NKTR: variants seen among roughly 807,000 people sequenced by gnomAD.
NKTR encodes the protein NK-tumor recognition protein.
Under a neutral mutation model 156.3 loss-of-function variants are expected in NKTR, and 67 were observed. That is an observed-to-expected ratio of 0.43 (90% CI 0.35 to 0.53). The LOEUF (loss-of-function observed/expected upper bound fraction) is 0.53. Among genes scored for constraint, NKTR ranks in the 20% least tolerant of loss-of-function variants. The pLI, the probability that NKTR is intolerant of heterozygous loss-of-function variation, is 0.01. For synonymous variants in NKTR, 640 were observed against 596.6 expected, an observed-to-expected ratio of 1.07 and a Z score of -1.06; for missense variants, 1,604 against 1,730.9, an observed-to-expected ratio of 0.93 and a Z score of 1.30.
At chr3:42,639,973 GCT>G (rs1709742977) in intron 13 of NKTR, among the ~76,000 whole-genome samples, 1 of 152,154 alleles carries the variant, frequency 6.6e-6, no homozygotes, top group Admixed American at 6.5e-5. Context: ...TCAGTTTAAA[GCT>G]CTCTGTCACT....
At chr3:42,606,269 T>C (rs1025745402) in intron 2 of NKTR, among the ~76,000 whole-genome samples, 16 of 152,240 alleles carry the variant, frequency 1.1e-4, no homozygotes, top group African/African-American at 3.9e-4. Context: ...CCCATTTTTA[T>C]ATGGAAATAG....
At chr3:42,617,230 A>G (rs1707457339) in intron 2 of NKTR, among the ~76,000 whole-genome samples, 1 of 152,208 alleles carries the variant, frequency 6.6e-6, no homozygotes, top group Non-Finnish European at 1.5e-5. Context: ...GCATAAATCA[A>G]ACAACTATTG....
At chr3:42,614,955 C>A (rs1470749732) in intron 2 of NKTR, among the ~76,000 whole-genome samples, 1 of 151,830 alleles carries the variant, frequency 6.6e-6, no homozygotes, top group Non-Finnish European at 1.5e-5. Context: ...CTCTTAACAA[C>A]ATAATGCCAT....
chr3:42,648,469 C>A lies in NKTR; in HGVS notation c.*2494C>A, dbSNP rs1710489145. On this transcript the variant is annotated 3_prime_UTR_variant, in exon 17 of 17. Coordinates refer to ENST00000232978, the MANE Select transcript of NKTR (RefSeq NM_005385.4). ...CTGACAGAGTGAACTACAGAAATAG[C>A]TTTTCTTCCTAAAGGGGATTGTTCT... is the stretch of plus-strand genomic sequence containing the variant. 6.6e-6 allele frequency: 1 copy of A among 152,392 alleles called. No homozygotes were observed. The highest frequency in any genetic ancestry group is 2.1e-4 in the South Asian group (1 of 4,820). 9.4% of individuals were successfully genotyped at this position (152,392 alleles called of 1,614,324 possible).
chr3:42,636,847 A>T, intron 12 of NKTR, 21 bp from the exon 13 acceptor site: 1 of 1,532,244 alleles, frequency 6.5e-7, no homozygotes, highest in South Asian at 1.3e-5. Flanking sequence ...TCACCGCATG[A>T]ATATTATGTC....
Position 42,639,054 on chromosome 3 carries a change from A to G in NKTR, c.3350A>G (p.Asn1117Ser), listed in dbSNP as rs530615927. Residue 1117 changes from asparagine to serine, a missense_variant, in exon 13 of 17, where the codon AAT becomes AGT. This residue lies in a region of NKTR where 1,255 missense variants were observed against 1,243.7 expected (regional missense o/e 1.01). Transcript: ENST00000232978. ...NIQHVEESVP[N>S]GVEDVLQTDD... The stretch of plus-strand genomic sequence containing the variant: ...CAGCACGTTGAAGAAAGTGTTCCCA[A>G]TGGAGTGGAAGATGTGCTTCAAACA... 9 of 1,614,068 alleles carry G rather than the reference A, an allele frequency of 5.6e-6. No homozygotes were observed. Among genetic ancestry groups the G allele is most frequent in the East Asian group, 4.5e-5 (2 of 44,880 alleles).
At chr3:42,620,346 T>G in intron 5 of NKTR, 1 of 1,120,468 alleles carries the variant, frequency 8.9e-7, no homozygotes, top group Non-Finnish European at 1.1e-6. Flanking sequence ...TTTTGTATAT[T>G]AGAACTATGA....
Position 42,638,006 on chromosome 3 carries a change from G to A in NKTR, c.2302G>A (p.Val768Ile), listed in dbSNP as rs563296099. 17 of 1,614,064 alleles carry A rather than the reference G, an allele frequency of 1.1e-5. No homozygotes were observed. Among genetic ancestry groups the A allele is most frequent in the Admixed American group, 3.3e-5 (2 of 60,004 alleles). Reference sequence around the variant, plus strand: ...TAGATCCAGTGGGAAAAAAAATAGCGTTTCACATAAAAAGCATAGCAGCAG... The same window carrying A: ...TAGATCCAGTGGGAAAAAAAATAGCATTTCACATAAAAAGCATAGCAGCAG... ...RLRSSGKKNS[V>I]SHKKHSSSSE... is the part of the protein sequence containing the mutation. Residue 768 changes from valine to isoleucine, a missense_variant, in exon 13 of 17, where the codon GTT becomes ATT. Physicochemically the swap from Val to Ile is conservative, Grantham distance 29. Coordinates refer to ENST00000232978, the MANE Select transcript of NKTR (RefSeq NM_005385.4).
At chr3:42,642,462 C>A in intron 13 of NKTR, 39 bp from the exon 14 acceptor site, 3 of 1,458,696 alleles carry the variant, frequency 2.1e-6, no homozygotes, top group South Asian at 2.3e-5. Context: ...CATGATGAGT[C>A]AACATAATTA....
intron 2 of NKTR, among the ~76,000 whole-genome samples, 167 bp from the exon 3 acceptor site, chr3:42,617,403 T>C (rs1160926033): frequency 6.6e-6 from 1 of 152,214 alleles, no homozygotes; most frequent in Non-Finnish European, 1.5e-5. Flanking sequence ...AATGGTGTTC[T>C]TGTTCATAGG....
rs1016669404 is a variant in NKTR at position 42,646,148 on chromosome 3, A to G, written c.*173A>G. 3 of 460,642 alleles carry G rather than the reference A, an allele frequency of 6.5e-6. No individual in the cohort carries two copies. The highest frequency in any genetic ancestry group is 1.2e-5 in the Non-Finnish European group (3 of 250,532). 28.5% of individuals were successfully genotyped at this position (460,642 alleles called of 1,614,324 possible). On this transcript the variant is annotated 3_prime_UTR_variant, in exon 17 of 17. Coordinates refer to ENST00000232978, the MANE Select transcript of NKTR (RefSeq NM_005385.4). The stretch of plus-strand genomic sequence containing the variant: ...GGGGAGAAGAATTTAAAATACAGAT[A>G]TGTCTCCTAAAAATATTTTTATGCC...
intron 9 of NKTR, 97 bp downstream of exon 9, chr3:42,632,920 A>G: frequency 7.6e-7 from 1 of 1,321,516 alleles, no homozygotes; most frequent in South Asian, 2.6e-5. Context: ...ATTACCTGTT[A>G]TTGAAAAAGG....
At position 42,637,937 on chromosome 3, in the gene NKTR, A is replaced by T. The variant is rs762197449; in HGVS notation, c.2233A>T (p.Thr745Ser). 2.5e-6 allele frequency: 4 copies of T among 1,613,814 alleles called. No homozygotes were observed. Among genetic ancestry groups the T allele is most frequent in the Admixed American group, 1.7e-5 (1 of 59,990 alleles). Residue 745 changes from threonine to serine, a missense_variant, in exon 13 of 17, where the codon ACT becomes TCT. Transcript: ENST00000232978. ...HSQCSRSSSY[T>S]SISSDDGRRA... is the part of the protein sequence containing the mutation. ...ACAGTGTAGTAGATCATCTTCATAT[A>T]CTTCTATTAGCAGTGATGATGGAAG...
chr3:42,627,274 C>T, intron 6 of NKTR: 5 of 984,698 alleles, frequency 5.1e-6, no homozygotes, highest in Non-Finnish European at 6.0e-6. Context: ...GCCTTTATCT[C>T]TTTAATTCTG....
At chr3:42,618,485 A>G (rs1707610960) in intron 3 of NKTR, among the ~76,000 whole-genome samples, 1 of 152,102 alleles carries the variant, frequency 6.6e-6, no homozygotes, top group African/African-American at 2.4e-5. Flanking sequence ...TTGTCTCAAA[A>G]ACAGGCTGGA....
intron 2 of NKTR, among the ~76,000 whole-genome samples, chr3:42,616,827 A>G (rs1200225045): frequency 6.6e-6 from 1 of 152,186 alleles, no homozygotes; most frequent in Non-Finnish European, 1.5e-5. Flanking sequence ...CTGCATGATC[A>G]TAGCTCATTG....
intron 2 of NKTR, chr3:42,612,292 C>T (rs1706907416): frequency 6.6e-6 from 1 of 151,996 alleles, no homozygotes; most frequent in Non-Finnish European, 1.5e-5. Context: ...AAGTGAGTAC[C>T]TGTTGATAGG....
At chr3:42,612,746 T>C (rs2125771581) in intron 2 of NKTR, among the ~76,000 whole-genome samples, 1 of 152,330 alleles carries the variant, frequency 6.6e-6, no homozygotes, top group Middle Eastern at 3.4e-3. Flanking sequence ...TGCTCAGTTG[T>C]CTCCAGTTTG....
intron 6 of NKTR, chr3:42,627,555 A>G: frequency 9.1e-6 from 9 of 985,050 alleles, no homozygotes; most frequent in Non-Finnish European, 9.6e-6. Flanking sequence ...ATGGTATAAA[A>G]CTATAGATTG....
Sources: allele counts gnomAD v4.1 joint callset (sites outside exome capture counted in the v4.1 genomes callset), GRCh38; gene constraint gnomAD v4.1.1; regional missense constraint gnomAD v4.1.1; transcripts MANE v1.5; gene names NCBI Gene and HGNC (gene_info 2026-07-23, HGNC 2026-07-21).